Variants in LCTL observed in about 807,000 individuals in gnomAD.
LCTL encodes the protein lactase like.
In LCTL, 76 loss-of-function variants were observed where a neutral mutation model predicts 75.8. The ratio of observed to expected loss-of-function variants is 1.00; its 90% CI spans 0.83 to 1.21. The LOEUF (loss-of-function observed/expected upper bound fraction) is 1.21, where lower values mean the gene tolerates loss of function less well. Ranked by LOEUF, LCTL falls within the 50% of genes most tolerant of loss-of-function variation. LCTL has a pLI of 0.00. For missense variants in LCTL, 670 were observed against 712.4 expected (o/e 0.94, Z 0.68); for synonymous variants, 271 against 268.8 (o/e 1.01, Z -0.08).
exon 13 of LCTL, chr15:66,548,444 G>T: frequency 9.9e-7 from 1 of 1,014,452 alleles, no homozygotes; most frequent in Non-Finnish European, 1.5e-6. Context: ...AAGGGAGGAA[G>T]ATCCTGAAGA....
At chr15:66,554,652 T>C (rs567076854) in intron 8 of LCTL, among the ~76,000 whole-genome samples, 17 of 152,326 alleles carry the variant, frequency 1.1e-4, no homozygotes, top group African/African-American at 4.1e-4. Flanking sequence ...ATCTTCATTA[T>C]AGATTGAGTG....
At chr15:66,551,833 C>G (rs1220035311) in exon 11 of LCTL, 1 of 1,613,454 alleles carries the variant, frequency 6.2e-7, no homozygotes, top group East Asian at 2.2e-5. Flanking sequence ...AGGAAGTATA[C>G]CCCTTTATAT....
At chr15:66,556,173 T>C (rs1212409055) in intron 8 of LCTL, among the ~76,000 whole-genome samples, 1 of 152,214 alleles carries the variant, frequency 6.6e-6, no homozygotes, top group African/African-American at 2.4e-5. Flanking sequence ...CCCAAATAAC[T>C]GAAAGCTGGA....
chr15:66,553,101 G>A, exon 9 of LCTL: 4 of 1,611,172 alleles, frequency 2.5e-6, no homozygotes, highest in Non-Finnish European at 3.4e-6. Flanking sequence ...TCTGGTAGCT[G>A]GGCCCCTGGC....
At chr15:66,558,381 C>T (rs8025844) in intron 6 of LCTL, among the ~76,000 whole-genome samples, 8 of 152,196 alleles carry the variant, frequency 5.3e-5, no homozygotes, top group Non-Finnish European at 8.8e-5. Flanking sequence ...TACCAAGTGT[C>T]TGAAATAGTC....
exon 13 of LCTL, chr15:66,548,592 A>C: frequency 1.9e-6 from 3 of 1,596,706 alleles, no homozygotes; most frequent in Non-Finnish European, 2.6e-6. Flanking sequence ...TTTGCATGTG[A>C]CTTAGCAAGG....
rs373639118 is a variant in LCTL at position 66,561,061 on chromosome 15, G to A, written c.650C>T (p.Pro217Leu). ...GCCGGTGCCGCGGAGCTTCAGGCCC[G>A]GCGCATGGTGGCCCGTCTCATAGCC... Residue 217 changes from proline to leucine, a missense_variant, in exon 6 of 13, where the codon CCG (proline) becomes CTG (leucine). Coordinates refer to ENST00000341509, the Ensembl canonical transcript of LCTL. The A allele has an allele frequency of 3.3e-5, 53 of 1,614,042 alleles. No individual in the cohort carries two copies. Among genetic ancestry groups the A allele is most frequent in the Admixed American group, 5.0e-5 (3 of 59,996 alleles).
At chr15:66,551,701 C>G (rs756074428) in exon 11 of LCTL, 1 of 1,614,102 alleles carries the variant, frequency 6.2e-7, no homozygotes, top group East Asian at 2.2e-5. Flanking sequence ...TGATAATCTT[C>G]TTGTAATATT....
rs1265706985 is a variant in LCTL, at chr15:66,553,019, G to A, written c.1162C>T (p.Pro388Ser). The A allele has an allele frequency of 1.1e-5, 16 of 1,515,506 alleles. No homozygotes were observed. The highest frequency in any genetic ancestry group is 2.8e-5 in the African/African-American group (2 of 71,088). 93.9% of individuals were successfully genotyped at this position (1,515,506 alleles called of 1,614,324 possible). ...TTAAGGAGCCTCCTAAATCCCCATG[G>A]CACAGAATATAGCCATTTAGACCCC... The change falls in exon 9 of 13, where the codon CCA (proline) becomes TCA (serine). Residue 388 changes from proline (P) to serine (S), a missense_variant. Pro to Ser is a moderately conservative substitution (Grantham distance 74). Coordinates refer to ENST00000341509, the Ensembl canonical transcript of LCTL.
chr15:66,559,051 A>T (rs541831744), intron 6 of LCTL, among the ~76,000 whole-genome samples: 1 of 149,766 alleles, frequency 6.7e-6, no homozygotes, highest in Admixed American at 6.7e-5. Context: ...TTTTCTTGAG[A>T]TGGGGTCTTG....
chr15:66,552,110 G>T, exon 10 of LCTL: 1 of 1,613,124 alleles, frequency 6.2e-7, no homozygotes, highest in Admixed American at 1.7e-5. Context: ...ATTGAGTACA[G>T]TGGAATTTTT....
chr15:66,562,902 G>A (rs576515270), intron 4 of LCTL, among the ~76,000 whole-genome samples: 69 of 152,270 alleles, frequency 4.5e-4, no homozygotes, highest in African/African-American at 1.7e-3. Context: ...TTAGTTAAAA[G>A]ACATATCTTT....
intron 8 of LCTL, 49 bp from the exon 10 acceptor site, chr15:66,553,307 T>G (rs201622744): frequency 1.2e-5 from 17 of 1,448,568 alleles, no homozygotes; most frequent in Non-Finnish European, 1.6e-5. Context: ...TTTCTCCCAA[T>G]CACTGTGTTA....
exon 9 of LCTL, chr15:66,553,179 G>T (rs1332658293): frequency 6.2e-7 from 1 of 1,611,042 alleles, no homozygotes. Context: ...AATCGGATGT[G>T]CCTTTAATGT....
chr15:66,562,376 C>A (rs1212518244), intron 4 of LCTL, among the ~76,000 whole-genome samples: 1 of 149,480 alleles, frequency 6.7e-6, no homozygotes, highest in Non-Finnish European at 1.5e-5. Flanking sequence ...GCACTCCAGC[C>A]TGGACGACGA....
exon 9 of LCTL, chr15:66,553,252 T>C: frequency 8.4e-6 from 13 of 1,550,350 alleles, no homozygotes; most frequent in Non-Finnish European, 1.1e-5. Context: ...CTCTGCACTC[T>C]TTCTTCCTTT....
At chr15:66,554,288 CAAAAAAAAAAAAAAA>C (rs547806774) in intron 8 of LCTL, among the ~76,000 whole-genome samples, 1 of 43,416 alleles carries the variant, frequency 2.3e-5, no homozygotes, top group Non-Finnish European at 4.9e-5. Flanking sequence ...AAGACTGTCT[CAAAAAAAAAAAAAAA>C]AAAAAAAGTA....
At chr15:66,563,696 C>T in intron 3 of LCTL, 71 bp from the exon 5 acceptor site, 2 of 1,155,712 alleles carry the variant, frequency 1.7e-6, no homozygotes, top group Non-Finnish European at 1.3e-6. Flanking sequence ...TGGAGTGCAG[C>T]ATTCCTGGGC....
In LCTL at chr15:66,564,656, C is replaced by T; in HGVS notation, c.282+20G>A. 1 of 1,608,766 alleles carries T rather than the reference C, an allele frequency of 6.2e-7. No individual in the cohort carries two copies. The highest frequency in any genetic ancestry group is 8.5e-7 in the Non-Finnish European group (1 of 1,179,362). Reference sequence around the variant, plus strand: ...GTGTGCACGCGCGCGCACACACACACACTCACACCCCGCACTCACCTGGAC... The same window carrying T: ...GTGTGCACGCGCGCGCACACACACATACTCACACCCCGCACTCACCTGGAC... On this transcript the variant is annotated intron_variant, in intron 2 of 12. Transcript: ENST00000341509.
Sources: gnomAD v4.1 joint callset for allele counts (sites outside exome capture counted in the v4.1 genomes callset) on GRCh38, gnomAD v4.1.1 for gene constraint, MANE v1.5 for transcripts, NCBI Gene and HGNC (gene_info 2026-07-23, HGNC 2026-07-21) for gene names.